The following CDC42BPA variants were observed in gnomAD, a reference collection of about 807,000 sequenced individuals.
CDC42BPA encodes CDC42 binding protein kinase alpha.
Under a neutral mutation model 223.5 loss-of-function variants are expected in CDC42BPA, and 80 were observed. That is an observed-to-expected ratio of 0.36 (90% CI 0.30 to 0.43). The LOEUF (loss-of-function observed/expected upper bound fraction) is 0.43, where lower values mean the gene tolerates loss of function less well. CDC42BPA is among the 20% of genes least tolerant of loss of function. The pLI is 1.00. For synonymous variants in CDC42BPA, 694 were observed against 718.6 expected, an observed-to-expected ratio of 0.97 and a Z score of 0.55; for missense variants, 1,743 against 2,099.9, an observed-to-expected ratio of 0.83 and a Z score of 3.32.
At chr1:226,997,301 T>G (rs565585542) in intron 35 of CDC42BPA, among the ~76,000 whole-genome samples, 2 of 152,288 alleles carry the variant, frequency 1.3e-5, no homozygotes, top group South Asian at 2.1e-4. Flanking sequence ...TCAGTGGTGA[T>G]CTCCCCTTTA....
chr1:227,144,096 C>T (rs1268337132), intron 8 of CDC42BPA, among the ~76,000 whole-genome samples: 1 of 152,100 alleles, frequency 6.6e-6, no homozygotes, highest in Non-Finnish European at 1.5e-5. Flanking sequence ...GTGATCACAG[C>T]TTATTGTATT....
intron 1 of CDC42BPA, among the ~76,000 whole-genome samples, chr1:227,257,852 T>C (rs1221703495): frequency 2.0e-5 from 3 of 150,126 alleles, no homozygotes; most frequent in Non-Finnish European, 4.4e-5. Context: ...TTTGACAAGG[T>C]GGGAGATACA....
At chr1:227,251,409 A>C (rs1681982463) in intron 2 of CDC42BPA, among the ~76,000 whole-genome samples, 1 of 152,182 alleles carries the variant, frequency 6.6e-6, no homozygotes, top group Non-Finnish European at 1.5e-5. Context: ...ACACAAAATG[A>C]GCAAAACAAA....
At chr1:227,205,586 C>T (rs1312788853) in intron 3 of CDC42BPA, among the ~76,000 whole-genome samples, 2 of 151,926 alleles carry the variant, frequency 1.3e-5, no homozygotes, top group East Asian at 3.9e-4. Context: ...TTGTGTAGTA[C>T]TTTACTAACA....
At chr1:227,210,357 C>T (rs1020341481) in intron 3 of CDC42BPA, among the ~76,000 whole-genome samples, 3 of 152,000 alleles carry the variant, frequency 2.0e-5, no homozygotes, top group Admixed American at 1.3e-4. Context: ...GGTCTTATAC[C>T]GTAAGGTCCT....
At chr1:227,172,532 AAAAT>A (rs2149944096) in intron 5 of CDC42BPA, among the ~76,000 whole-genome samples, 1 of 152,324 alleles carries the variant, frequency 6.6e-6, no homozygotes, top group South Asian at 2.1e-4. Context: ...TGTAATTATG[AAAAT>A]AAACATTCAA....
chr1:227,272,510 T>C (rs1686124935), intron 1 of CDC42BPA, among the ~76,000 whole-genome samples: 1 of 152,198 alleles, frequency 6.6e-6, no homozygotes, highest in Non-Finnish European at 1.5e-5. Flanking sequence ...AGAGGGTTGC[T>C]ATCCCTAAAA....
At position 227,257,908 on chromosome 1, in the gene CDC42BPA, C is replaced by T. The variant is rs1210970324; in HGVS notation, c.179-3753G>A. Among the ~76,000 whole-genome samples, 2 of 150,898 alleles carry T rather than the reference C, an allele frequency of 1.3e-5. 1 individual carries two copies. Among genetic ancestry groups the T allele is most frequent in the African/African-American group, 5.0e-5 (2 of 40,292 alleles). On this transcript the variant is annotated intron_variant, in intron 1 of 36. Transcript: ENST00000366766. ...AAATGGGGCCGGGTGTGGTGGTTCA[C>T]GCCTGTATCCCAATACTTTGGGAGG...
intron 33 of CDC42BPA, 61 bp downstream of exon 33, chr1:227,016,866 T>C (rs1666377952): frequency 2.0e-6 from 3 of 1,479,872 alleles, no homozygotes; most frequent in African/African-American, 1.4e-5. Context: ...TATAGTATCA[T>C]CACCGAGTAG....
At chr1:227,009,307 A>AGAAAGG (rs2148417706) in intron 34 of CDC42BPA, among the ~76,000 whole-genome samples, 1 of 152,360 alleles carries the variant, frequency 6.6e-6, no homozygotes, top group Non-Finnish European at 1.5e-5. Context: ...CAAGGTACAA[A>AGAAAGG]TATGTATAAG....
At position 227,090,514 on chromosome 1, in the gene CDC42BPA, C is replaced by T. The variant is rs778249723; in HGVS notation, c.2355+1372G>A. 7.9e-5 allele frequency among the ~76,000 whole-genome samples: 12 copies of T among 152,144 alleles called. No individual in the cohort carries two copies. The East Asian group carries it at 1.2e-3, about 15-fold the overall frequency. On this transcript the variant is annotated intron_variant, in intron 16 of 36. Coordinates refer to ENST00000366766, the MANE Select transcript of CDC42BPA (RefSeq NM_001394014.1). ...GAATTATTAAAACTTCTGGGCTGGG[C>T]GCAGTGGCTCATGTGGCCAGGCATG...
At chr1:227,123,321 C>T (rs796829564) in intron 11 of CDC42BPA, among the ~76,000 whole-genome samples, 10 of 152,062 alleles carry the variant, frequency 6.6e-5, no homozygotes, top group East Asian at 5.8e-4. Flanking sequence ...AACAGTACTA[C>T]GAAACTGGGT....
chr1:227,146,271 T>C (rs1660690477), intron 7 of CDC42BPA, among the ~76,000 whole-genome samples: 1 of 152,108 alleles, frequency 6.6e-6, no homozygotes, highest in Non-Finnish European at 1.5e-5. Context: ...ATTACACATC[T>C]AGGAAGTGGC....
chr1:227,276,706 G>A (rs1000645732), intron 1 of CDC42BPA, among the ~76,000 whole-genome samples: 2 of 152,202 alleles, frequency 1.3e-5, no homozygotes, highest in Non-Finnish European at 2.9e-5. Flanking sequence ...GTGGACATAG[G>A]AGACTCCATT....
chr1:227,131,807 C>A (rs1490290638), intron 10 of CDC42BPA, among the ~76,000 whole-genome samples: 1 of 152,064 alleles, frequency 6.6e-6, no homozygotes, highest in African/African-American at 2.4e-5. Context: ...AAAATAAATC[C>A]ATATTATTTA....
At chr1:227,281,542 C>T (rs1688014160) in intron 1 of CDC42BPA, among the ~76,000 whole-genome samples, 1 of 152,162 alleles carries the variant, frequency 6.6e-6, no homozygotes, top group Non-Finnish European at 1.5e-5. Flanking sequence ...CAGCTCAGAG[C>T]CCCCACGCTT....
intron 35 of CDC42BPA, among the ~76,000 whole-genome samples, chr1:226,995,704 AG>A (rs1277330823): frequency 1.3e-5 from 2 of 152,224 alleles, no homozygotes; most frequent in Admixed American, 6.5e-5. Flanking sequence ...CAGCATTCAC[AG>A]GAAGAAAAGG....
chr1:227,115,779 TA>T (rs1358116114), intron 12 of CDC42BPA, among the ~76,000 whole-genome samples: 2 of 151,332 alleles, frequency 1.3e-5, no homozygotes, highest in Admixed American at 6.6e-5. Context: ...AAGATACTTA[TA>T]AATAACTCAT....
chr1:227,009,238 C>T (rs1338049519), intron 34 of CDC42BPA, among the ~76,000 whole-genome samples: 2 of 152,002 alleles, frequency 1.3e-5, no homozygotes, highest in Non-Finnish European at 2.9e-5. Context: ...TCATTCAGTC[C>T]GCTAGAGTTA....
Sources: gnomAD v4.1 joint callset for allele counts (sites outside exome capture counted in the v4.1 genomes callset) on GRCh38, gnomAD v4.1.1 for gene constraint, MANE v1.5 for transcripts, NCBI Gene and HGNC (gene_info 2026-07-23, HGNC 2026-07-21) for gene names.